Variants in KIT observed in about 807,000 individuals in gnomAD.
KIT encodes KIT proto-oncogene, receptor tyrosine kinase.
Under a neutral mutation model 105.7 loss-of-function variants are expected in KIT, and 16 were observed. That is an observed-to-expected ratio of 0.15 (90% CI 0.10 to 0.23). KIT has a LOEUF of 0.23. KIT is among the 10% of genes least tolerant of loss of function. KIT has a pLI of 1.00. For synonymous variants in KIT, 438 were observed against 441.1 expected (o/e 0.99, Z 0.09); for missense variants, 858 against 1,213.8 (o/e 0.71, Z 4.36).
intron 7 of KIT, among the ~76,000 whole-genome samples, chr4:54,722,177 G>A (rs564600684): frequency 2.6e-5 from 4 of 152,086 alleles, no homozygotes; most frequent in South Asian, 2.1e-4. Context: ...GTAGAGATGC[G>A]GTTTCACTGT....
At position 54,657,989 on chromosome 4, in the gene KIT, G is replaced by C. The variant is rs1198654363; in HGVS notation, c.-26G>C. On this transcript the variant is annotated 5_prime_UTR_variant, in exon 1 of 21. Transcript: ENST00000288135. The stretch of plus-strand genomic sequence containing the variant: ...GGCGAGAGCTGGAACGTGGACCAGA[G>C]CTCGGATCCCATCGCAGCTACCGCG... The C allele has an allele frequency of 6.2e-7, 1 of 1,611,866 alleles. No individual in the cohort carries two copies. Among genetic ancestry groups the C allele is most frequent in the South Asian group, 1.1e-5 (1 of 90,942 alleles).
chr4:54,679,419 GT>G (rs1650259689), intron 1 of KIT, among the ~76,000 whole-genome samples: 1 of 152,076 alleles, frequency 6.6e-6, no homozygotes, highest in African/African-American at 2.4e-5. Flanking sequence ...GATAAAACTT[GT>G]TTTTCTTATT....
At chr4:54,694,949 G>A (rs937766612) in intron 1 of KIT, among the ~76,000 whole-genome samples, 1 of 152,140 alleles carries the variant, frequency 6.6e-6, no homozygotes, top group South Asian at 2.1e-4. Flanking sequence ...GTTAAAACAG[G>A]TGTATCATTT....
intron 1 of KIT, among the ~76,000 whole-genome samples, chr4:54,658,741 G>T (rs902815405): frequency 2.0e-4 from 31 of 152,168 alleles, no homozygotes; most frequent in African/African-American, 7.5e-4. Context: ...CGCGGCGTGG[G>T]GCTGTTGTGG....
rs200447017 is a variant in KIT at position 54,710,547 on chromosome 4, G to GT, written c.1231+1017dup. On this transcript the variant is annotated intron_variant, in intron 7 of 20. Transcript: ENST00000288135. ...TTTCTGTACGAGGTGTTGTGGTTTTGTTTTTTTTTGTTTTTGAGACAGAGT... is the reference window on the plus strand; with the variant it reads ...TTTCTGTACGAGGTGTTGTGGTTTTGTTTTTTTTTTGTTTTTGAGACAGAGT... Among the ~76,000 whole-genome samples the GT allele has an allele frequency of 5.8e-3, 882 of 150,990 alleles. 10 individuals carry two copies. The highest frequency in any genetic ancestry group is 0.018 in the African/African-American group (735 of 41,132).
At chr4:54,727,635 A>G in intron 11 of KIT, 93 bp downstream of exon 11, 1 of 1,528,190 alleles carries the variant, frequency 6.5e-7, no homozygotes, top group East Asian at 2.3e-5. Context: ...GTTTTGTTCC[A>G]CCTGAAACAA....
intron 1 of KIT, among the ~76,000 whole-genome samples, chr4:54,694,531 T>C (rs1393494272): frequency 6.6e-6 from 1 of 152,064 alleles, no homozygotes; most frequent in Non-Finnish European, 1.5e-5. Context: ...GCCCAGCTAA[T>C]GTTTTTTCTA....
At position 54,736,895 on chromosome 4, in the gene KIT, G is replaced by A. The variant is rs531434912; in HGVS notation, c.2696+75G>A. The A allele has an allele frequency of 3.6e-6, 4 of 1,101,822 alleles. No individual in the cohort carries two copies. The African/African-American group carries it at 6.2e-5, about 17-fold the overall frequency. 68.3% of individuals were successfully genotyped at this position (1,101,822 alleles called of 1,614,324 possible). On this transcript the variant is annotated intron_variant, in intron 19 of 20. Coordinates refer to ENST00000288135, the MANE Select transcript of KIT (RefSeq NM_000222.3). ...TCTTTTTAGAGACAGAAACCCAGATGTTGAGGGTTTTCATAACACAGTTTG... is the reference window on the plus strand; with the variant it reads ...TCTTTTTAGAGACAGAAACCCAGATATTGAGGGTTTTCATAACACAGTTTG...
intron 7 of KIT, among the ~76,000 whole-genome samples, chr4:54,722,122 A>G (rs755404278): frequency 6.6e-6 from 1 of 152,030 alleles, no homozygotes; most frequent in Non-Finnish European, 1.5e-5. Context: ...AGTAGCTGGG[A>G]CTACAGGCGC....
intron 7 of KIT, among the ~76,000 whole-genome samples, chr4:54,711,540 G>A (rs565279731): frequency 9.3e-4 from 141 of 152,264 alleles, no homozygotes; most frequent in African/African-American, 3.1e-3. Context: ...TATTATCTGA[G>A]TTCCAGCAAA....
In KIT at chr4:54,731,986, C is replaced by A. The variant is rs151046591; in HGVS notation, c.2349C>A (p.Leu783=). ...AGGTGGCAAAGGGCATGGCTTTCCT[C>A]GCCTCCAAGAATGTAAGTGGGAGTG... is the stretch of plus-strand genomic sequence containing the variant. ...SYQVAKGMAF[L]ASKNCIHRDL... is the part of the protein sequence containing the mutation. Residue 783 remains leucine, a synonymous_variant, in exon 16 of 21, where the codon CTC becomes CTA. Transcript: ENST00000288135. 6.2e-7 allele frequency: 1 copy of A among 1,612,362 alleles called. No individual in the cohort carries two copies. The highest frequency in any genetic ancestry group is 1.3e-5 in the African/African-American group (1 of 74,462).
chr4:54,680,477 C>T (rs555839136), intron 1 of KIT, among the ~76,000 whole-genome samples: 13 of 150,792 alleles, frequency 8.6e-5, no homozygotes, highest in Non-Finnish European at 1.3e-4. Flanking sequence ...CTGCAACCTC[C>T]GCCTCCCCAG....
intron 1 of KIT, among the ~76,000 whole-genome samples, chr4:54,669,772 T>C (rs1717976814): frequency 6.6e-6 from 1 of 151,510 alleles, no homozygotes; most frequent in Non-Finnish European, 1.5e-5. Flanking sequence ...TTTAGACTTA[T>C]TTCAGTTCCA....
intron 7 of KIT, among the ~76,000 whole-genome samples, chr4:54,713,318 T>A (rs4864919): frequency 0.55 from 82,738 of 151,730 alleles, 22,743 homozygotes; most frequent in Admixed American, 0.63. Context: ...TGATTTTGCA[T>A]CCTCATTGCT....
intron 1 of KIT, among the ~76,000 whole-genome samples, chr4:54,683,453 A>G (rs1219581233): frequency 6.6e-5 from 10 of 152,214 alleles, no homozygotes; most frequent in African/African-American, 2.4e-4. Context: ...CCTGGGCAAC[A>G]TAGTGAGACC....
intron 1 of KIT, among the ~76,000 whole-genome samples, chr4:54,689,181 A>G (rs1324950960): frequency 6.6e-6 from 1 of 152,236 alleles, no homozygotes; most frequent in African/African-American, 2.4e-5. Flanking sequence ...AGCGACCCAT[A>G]TAAAGCCTTT....
Position 54,738,983 on chromosome 4 carries a change from C to T in KIT, c.*426C>T, listed in dbSNP as rs750092746. The stretch of plus-strand genomic sequence containing the variant: ...AGATTAGAAGCTGAAAACCTAAGTC[C>T]TTTATGTGGAAAACAGAACATCATT... On this transcript the variant is annotated 3_prime_UTR_variant, in exon 21 of 21. Transcript: ENST00000288135. The T allele has an allele frequency of 1.8e-5, 9 of 501,340 alleles. No homozygotes were observed. The highest frequency in any genetic ancestry group is 3.1e-5 in the Non-Finnish European group (9 of 287,652). The allele number at this position is 501,340 out of a possible 1,614,324, so 31.1% of individuals were successfully genotyped here. A position where few individuals can be genotyped will look rare whatever the true frequency, so the allele number is the denominator to read the frequency against.
At chr4:54,719,246 T>C (rs1057100268) in intron 7 of KIT, among the ~76,000 whole-genome samples, 1 of 152,164 alleles carries the variant, frequency 6.6e-6, no homozygotes, top group African/African-American at 2.4e-5. Flanking sequence ...CCTCCCTGCA[T>C]TTAGATGAAG....
At chr4:54,681,676 A>G (rs1294006942) in intron 1 of KIT, among the ~76,000 whole-genome samples, 1 of 152,174 alleles carries the variant, frequency 6.6e-6, no homozygotes, top group Non-Finnish European at 1.5e-5. Flanking sequence ...GTTAATTATA[A>G]GATGTCAGAG....
Sources: gnomAD v4.1 joint callset for allele counts (sites outside exome capture counted in the v4.1 genomes callset) on GRCh38, gnomAD v4.1.1 for gene constraint, MANE v1.5 for transcripts, NCBI Gene and HGNC (gene_info 2026-07-23, HGNC 2026-07-21) for gene names.